Variants in RAB3IP observed in about 807,000 individuals in gnomAD.
The protein encoded by RAB3IP is rab-3A-interacting protein.
RAB3IP carries 36 observed loss-of-function variants against 59.1 expected under a neutral mutation model. That is an observed-to-expected ratio of 0.61 (90% CI 0.47 to 0.80). The LOEUF (loss-of-function observed/expected upper bound fraction) is 0.80. Among genes scored for constraint, RAB3IP ranks in the 30% least tolerant of loss-of-function variants. The pLI is 0.00. For missense variants in RAB3IP, 511 were observed against 536.0 expected (o/e 0.95, Z 0.46); for synonymous variants, 207 against 191.2 (o/e 1.08, Z -0.68).
At position 69,795,318 on chromosome 12, in the gene RAB3IP, C is replaced by T; in HGVS notation, c.862C>T (p.Gln288Ter). ...CAGTCATCAGGACCTCAGTGTGATA[C>T]AGCCAATTGTAAAAGACTGCAAAGA... ...SGSHQDLSVI[Q>*]PIVKDCKEAD... is the part of the protein sequence containing the mutation. Residue 288 changes from glutamine to a stop codon, truncating the protein, a stop_gained, in exon 6 of 11, where the codon CAG (glutamine) becomes TAG (stop). Coordinates refer to ENST00000247833, the MANE Select transcript of RAB3IP (RefSeq NM_022456.5). LOFTEE classifies it high-confidence loss of function. 1 of 1,613,844 alleles carries T rather than the reference C, an allele frequency of 6.2e-7. No homozygotes were observed. The highest frequency in any genetic ancestry group is 1.1e-5 in the South Asian group (1 of 91,068).
upstream of RAB3IP, chr12:69,738,858 G>C (rs1886939313): frequency 6.6e-6 from 1 of 152,198 alleles, no homozygotes; most frequent in Non-Finnish European, 1.5e-5. Flanking sequence ...CCCGCTTCCG[G>C]CGCAGGCGCA....
chr12:69,745,026 C>T (rs892398870), intron 1 of RAB3IP, among the ~76,000 whole-genome samples: 1 of 152,054 alleles, frequency 6.6e-6, no homozygotes. Flanking sequence ...TTTGAGAGCA[C>T]TATAAATTAT....
intron 4 of RAB3IP, among the ~76,000 whole-genome samples, chr12:69,791,446 A>C (rs550227879): frequency 5.3e-5 from 8 of 152,214 alleles, no homozygotes; most frequent in Non-Finnish European, 1.0e-4. Context: ...TAAGGAGTTA[A>C]TATCCAAAGT....
intron 4 of RAB3IP, among the ~76,000 whole-genome samples, chr12:69,794,233 A>G (rs1264443978): frequency 2.6e-5 from 4 of 152,206 alleles, no homozygotes; most frequent in Non-Finnish European, 5.9e-5. Context: ...CTCAGTGGTA[A>G]TAGGTCCTAA....
intron 6 of RAB3IP, among the ~76,000 whole-genome samples, chr12:69,799,959 T>C (rs751962292): frequency 6.6e-6 from 1 of 152,070 alleles, no homozygotes; most frequent in Non-Finnish European, 1.5e-5. Flanking sequence ...AAAAGGCTAA[T>C]TGGTTATTTG....
intron 3 of RAB3IP, among the ~76,000 whole-genome samples, chr12:69,767,970 G>T (rs1262774855): frequency 1.3e-5 from 2 of 152,136 alleles, no homozygotes; most frequent in African/African-American, 2.4e-5. Context: ...ACAAACAGGT[G>T]CTTTGAATGC....
intron 10 of RAB3IP, 68 bp from the exon 11 acceptor site, chr12:69,815,296 A>C: frequency 8.8e-7 from 1 of 1,130,810 alleles, no homozygotes; most frequent in South Asian, 1.3e-5. Flanking sequence ...TAAGGTTTTC[A>C]GCGAAACATT....
At chr12:69,747,552 G>A (rs1868530464) in intron 1 of RAB3IP, among the ~76,000 whole-genome samples, 1 of 152,184 alleles carries the variant, frequency 6.6e-6, no homozygotes, top group Admixed American at 6.5e-5. Context: ...CAACCGTCCT[G>A]TCTTGGCCTT....
intron 8 of RAB3IP, among the ~76,000 whole-genome samples, chr12:69,802,140 G>A (rs1878487507): frequency 6.6e-6 from 1 of 151,338 alleles, no homozygotes; most frequent in African/African-American, 2.4e-5. Context: ...TGGGTCATAA[G>A]TAGAATTTTT....
At chr12:69,805,260 T>C (rs1879061406) in intron 8 of RAB3IP, among the ~76,000 whole-genome samples, 1 of 152,186 alleles carries the variant, frequency 6.6e-6, no homozygotes, top group African/African-American at 2.4e-5. Flanking sequence ...TTGAAGCAGT[T>C]GTGAATGGGA....
Position 69,801,587 on chromosome 12 carries a change from G to A in RAB3IP, c.1018-22G>A, listed in dbSNP as rs1425605933. On this transcript the variant is annotated intron_variant, in intron 7 of 10. Coordinates refer to ENST00000247833, the MANE Select transcript of RAB3IP (RefSeq NM_022456.5). ...TATTTTTCTGCCAGTATAGCATCTA[G>A]TACTTTTTCTTTTTTTTTAAGTTGG... The A allele has an allele frequency of 3.4e-6, 5 of 1,492,390 alleles. No homozygotes were observed. The African/African-American group carries it at 6.9e-5, about 21-fold the overall frequency. The allele number at this position is 1,492,390 out of a possible 1,614,324, so 92.4% of individuals were successfully genotyped here.
At chr12:69,754,175 C>T (rs1441147133) in intron 1 of RAB3IP, among the ~76,000 whole-genome samples, 1 of 152,104 alleles carries the variant, frequency 6.6e-6, no homozygotes, top group Non-Finnish European at 1.5e-5. Context: ...AGGATTGGAT[C>T]CTGTACATAT....
chr12:69,794,491 C>T lies in RAB3IP; in HGVS notation c.661C>T (p.Gln221Ter). 6.2e-7 allele frequency: 1 copy of T among 1,612,790 alleles called. No individual in the cohort carries two copies. Among genetic ancestry groups the T allele is most frequent in the Non-Finnish European group, 8.5e-7 (1 of 1,179,374 alleles). Residue 221 changes from glutamine to a stop codon, truncating the protein, a stop_gained, in exon 5 of 11, where the codon CAG (glutamine) becomes TAG (stop). Transcript: ENST00000247833. LOFTEE classifies it high-confidence loss of function. The part of the protein sequence containing the change: ...ANIKQATAEK[Q>*]LKEAQGKIDV... Reference sequence around the variant, plus strand: ...TATCAAGCAGGCAACAGCAGAAAAACAGCTAAAAGAAGCACAAGGAAAAGT... The same window carrying T: ...TATCAAGCAGGCAACAGCAGAAAAATAGCTAAAAGAAGCACAAGGAAAAGT...
chr12:69,780,199 G>A (rs968881782), intron 3 of RAB3IP, among the ~76,000 whole-genome samples: 14 of 152,334 alleles, frequency 9.2e-5, no homozygotes, highest in African/African-American at 3.4e-4. Context: ...TGCTTAGACA[G>A]ATGCATGTTT....
intron 8 of RAB3IP, 30 bp from the exon 9 acceptor site, chr12:69,812,748 A>G: frequency 6.6e-7 from 1 of 1,524,486 alleles, no homozygotes; most frequent in South Asian, 1.2e-5. Flanking sequence ...TTTTCATTTC[A>G]AAAAACTGAA....
chr12:69,789,822 A>G (rs890893786), intron 4 of RAB3IP, among the ~76,000 whole-genome samples: 1 of 152,234 alleles, frequency 6.6e-6, no homozygotes, highest in African/African-American at 2.4e-5. Flanking sequence ...TAATAGAATG[A>G]TATAATAATA....
chr12:69,779,930 G>A (rs1006780729), intron 3 of RAB3IP, among the ~76,000 whole-genome samples: 1 of 152,120 alleles, frequency 6.6e-6, no homozygotes, highest in Non-Finnish European at 1.5e-5. Context: ...GCTTATTAAC[G>A]AATTAGTTAT....
chr12:69,763,128 G>A (rs989870629), intron 3 of RAB3IP, among the ~76,000 whole-genome samples: 2 of 152,112 alleles, frequency 1.3e-5, no homozygotes, highest in African/African-American at 2.4e-5. Flanking sequence ...GAAGAAAAAT[G>A]GATGCTTTTT....
chr12:69,759,012 A>G (rs1592472304), intron 3 of RAB3IP, among the ~76,000 whole-genome samples: 2 of 147,634 alleles, frequency 1.4e-5, no homozygotes, highest in South Asian at 2.1e-4. Context: ...TTAATTGATC[A>G]TTCTTGGGTG....
Sources: allele counts gnomAD v4.1 joint callset (sites outside exome capture counted in the v4.1 genomes callset), GRCh38; gene constraint gnomAD v4.1.1; transcripts MANE v1.5; gene names NCBI Gene and HGNC (gene_info 2026-07-23, HGNC 2026-07-21).